Variants in NECAB2 observed in about 807,000 individuals in gnomAD.
NECAB2 encodes N-terminal EF-hand calcium binding protein 2, also known as N-terminal EF-hand calcium-binding protein 2.
NECAB2 carries 68 observed loss-of-function variants against 51.9 expected under a neutral mutation model. That is an observed-to-expected ratio of 1.31 (90% CI 1.08 to 1.60). The LOEUF (loss-of-function observed/expected upper bound fraction) is 1.60, where lower values mean the gene tolerates loss of function less well. NECAB2 is among the 40% of genes most tolerant of loss of function. The probability of loss-of-function intolerance (pLI) is 0.00; values close to 1 mark genes in which losing one functional copy is unlikely to be tolerated. For missense variants in NECAB2, 854 were observed against 490.3 expected (o/e 1.74, Z -7.00); for synonymous variants, 329 against 203.5 (o/e 1.62, Z -5.25).
chr16:83,981,305 T>A (rs980493377), intron 5 of NECAB2, among the ~76,000 whole-genome samples, 178 bp downstream of exon 5: 6 of 152,052 alleles, frequency 3.9e-5, no homozygotes. Context: ...ATAGAATGGT[T>A]TGGTGAATGG....
intron 12 of NECAB2, among the ~76,000 whole-genome samples, 169 bp downstream of exon 12, chr16:84,002,085 A>T (rs2084848211): frequency 6.6e-6 from 1 of 152,132 alleles, no homozygotes; most frequent in Non-Finnish European, 1.5e-5. Flanking sequence ...CCCCACATAC[A>T]GGTATGCCTG....
intron 1 of NECAB2, 190 bp from the exon 2 acceptor site, chr16:83,971,961 T>A: frequency 1.4e-6 from 1 of 712,982 alleles, no homozygotes; most frequent in Non-Finnish European, 2.3e-6. Flanking sequence ...GGAGGGCCTC[T>A]GTCTGCAACA....
In NECAB2 at chr16:84,002,595, C is replaced by A. The variant is rs1053115514; in HGVS notation, c.*249C>A. On this transcript the variant is annotated 3_prime_UTR_variant, in exon 13 of 13. Coordinates refer to ENST00000305202, the MANE Select transcript of NECAB2 (RefSeq NM_019065.3). ...GGGGCGGCTTCCTGGAGCCAGCACC[C>A]CTGCCTCCTGGTCCTGGCCTCTCCC... The A allele has an allele frequency of 3.4e-6, 2 of 581,750 alleles. No individual in the cohort carries two copies. Among genetic ancestry groups the A allele is most frequent in the East Asian group, 2.9e-5 (1 of 34,230 alleles). The allele number at this position is 581,750 out of a possible 1,614,324, so 36.0% of individuals were successfully genotyped here.
intron 5 of NECAB2, among the ~76,000 whole-genome samples, chr16:83,985,975 C>T (rs901212523): frequency 7.9e-5 from 12 of 152,118 alleles, no homozygotes; most frequent in African/African-American, 2.7e-4. Flanking sequence ...AATTATGTCT[C>T]TTCTGCAGGT....
chr16:83,986,272 C>T (rs2084553737), intron 5 of NECAB2, among the ~76,000 whole-genome samples: 2 of 152,182 alleles, frequency 1.3e-5, no homozygotes, highest in African/African-American at 4.8e-5. Flanking sequence ...CCGCCTCAGT[C>T]TCCCAAAGTG....
At chr16:83,979,738 G>A (rs1229052585) in intron 3 of NECAB2, among the ~76,000 whole-genome samples, 1 of 148,970 alleles carries the variant, frequency 6.7e-6, no homozygotes, top group African/African-American at 2.5e-5. Flanking sequence ...CGAACTGTGA[G>A]AGTACGTGTG....
Position 83,968,314 on chromosome 16 carries a change from G to T in NECAB2, c.-335G>T, listed in dbSNP as rs1339855686. Among the ~76,000 whole-genome samples the T allele has an allele frequency of 1.3e-5, 2 of 151,310 alleles. No individual in the cohort carries two copies. The highest frequency in any genetic ancestry group is 4.8e-5 in the African/African-American group (2 of 41,388). ...AGAGCAGGAGACTTTTGGGGAGCAG[G>T]CCCCAGGGGCGCCGCCCCGCCCCCA... On this transcript the variant is annotated 5_prime_UTR_variant, in exon 1 of 13. Transcript: ENST00000305202.
chr16:83,971,700 G>C (rs113136962), intron 1 of NECAB2: 1 of 189,666 alleles, frequency 5.3e-6, no homozygotes, highest in African/African-American at 2.4e-5. Flanking sequence ...CACCTCTGTC[G>C]GACTTTGCCC....
At chr16:83,993,884 CA>C (rs1415649479) in intron 6 of NECAB2, among the ~76,000 whole-genome samples, 3 of 152,126 alleles carry the variant, frequency 2.0e-5, no homozygotes, top group African/African-American at 7.2e-5. Flanking sequence ...CCAGGTCCCC[CA>C]CCCCAGAGGG....
upstream of NECAB2, chr16:83,966,021 C>A (rs2084276538): frequency 1.3e-6 from 2 of 1,505,116 alleles, no homozygotes; most frequent in East Asian, 4.9e-5. Flanking sequence ...TCGGCCAGAC[C>A]CGCTGGCTCC....
At chr16:83,998,637 G>T (rs1182425125) in intron 10 of NECAB2, among the ~76,000 whole-genome samples, 1 of 152,180 alleles carries the variant, frequency 6.6e-6, no homozygotes, top group Non-Finnish European at 1.5e-5. Flanking sequence ...CTCCAGCTGG[G>T]CCTGGTGTGC....
At chr16:83,991,030 G>T (rs1042039088) in intron 6 of NECAB2, among the ~76,000 whole-genome samples, 4 of 152,076 alleles carry the variant, frequency 2.6e-5, no homozygotes, top group African/African-American at 9.7e-5. Flanking sequence ...CTGTCGCCCA[G>T]GAGTGCAGTG....
At chr16:83,966,332 C>T, upstream of NECAB2, 5 of 393,028 alleles carry the variant, frequency 1.3e-5, no homozygotes, top group Admixed American at 4.2e-5. Context: ...TGCCCACCTG[C>T]TCTCATGCGT....
At chr16:83,995,868 G>T (rs1281700353) in intron 8 of NECAB2, among the ~76,000 whole-genome samples, 1 of 152,186 alleles carries the variant, frequency 6.6e-6, no homozygotes, top group Admixed American at 6.5e-5. Flanking sequence ...CGGCTCGGAG[G>T]GGACCCCGTG....
At chr16:83,979,801 A>C (rs528777298) in intron 3 of NECAB2, among the ~76,000 whole-genome samples, 1 of 152,280 alleles carries the variant, frequency 6.6e-6, no homozygotes, top group African/African-American at 2.4e-5. Flanking sequence ...AAAGCTCTAT[A>C]AAGACTTTTA....
rs796164676 is a variant in NECAB2 at position 83,981,928 on chromosome 16, A to T, written c.459+801A>T. Reference sequence around the variant, plus strand: ...AAAGCCCAGCCTTGTCTGCCGGTTGAGGCCGGGGAACTTAGCTGATAAAGC... The same window carrying T: ...AAAGCCCAGCCTTGTCTGCCGGTTGTGGCCGGGGAACTTAGCTGATAAAGC... On this transcript the variant is annotated intron_variant, in intron 5 of 12. Transcript: ENST00000305202. Among the ~76,000 whole-genome samples the T allele has an allele frequency of 4.6e-5, 7 of 152,286 alleles. No homozygotes were observed. The South Asian group carries it at 1.2e-3, about 27-fold the overall frequency.
At chr16:83,990,686 G>A (rs1017302673) in intron 6 of NECAB2, 56 bp downstream of exon 6, 117 of 1,592,106 alleles carry the variant, frequency 7.3e-5, no homozygotes, top group Non-Finnish European at 9.3e-5. Flanking sequence ...ACGCGCACGT[G>A]CCCACCTGCT....
Position 83,995,044 on chromosome 16 carries a change from G to T in NECAB2, c.795+356G>T, listed in dbSNP as rs147825142. On this transcript the variant is annotated intron_variant, in intron 8 of 12. Coordinates refer to ENST00000305202, the MANE Select transcript of NECAB2 (RefSeq NM_019065.3). ...TCTGAAGTGGCTGGAGCAGATATTG[G>T]CCGAAAGGCAGCACCAGGATGAAAG... is the stretch of plus-strand genomic sequence containing the variant. 1.1e-3 allele frequency among the ~76,000 whole-genome samples: 168 copies of T among 152,310 alleles called. 2 individuals are homozygous for T. The highest frequency in any genetic ancestry group is 5.4e-3 in the East Asian group (28 of 5,184).
intron 8 of NECAB2, among the ~76,000 whole-genome samples, chr16:83,996,104 C>T (rs7186643): frequency 1.7e-3 from 254 of 152,308 alleles, no homozygotes; most frequent in African/African-American, 5.8e-3. Context: ...ACCGGCCAAC[C>T]GGAGCTGCCT....
Sources: allele counts gnomAD v4.1 joint callset (sites outside exome capture counted in the v4.1 genomes callset), GRCh38; gene constraint gnomAD v4.1.1; transcripts MANE v1.5; gene names NCBI Gene and HGNC (gene_info 2026-07-23, HGNC 2026-07-21).